The following MTMR3 variants were observed in gnomAD, a reference collection of about 807,000 sequenced individuals.
MTMR3 encodes phosphatidylinositol-3,5-bisphosphate 3-phosphatase MTMR3.
MTMR3 carries 32 observed loss-of-function variants against 132.4 expected under a neutral mutation model. The observed-to-expected ratio is 0.24, with a 90% CI of 0.18 to 0.32. The LOEUF (loss-of-function observed/expected upper bound fraction) is 0.32. Ranked by LOEUF, MTMR3 falls within the 10% of genes least tolerant of loss-of-function variation. The pLI is 1.00. For synonymous variants in MTMR3, 556 were observed against 550.3 expected (o/e 1.01, Z -0.14); for missense variants, 1,216 against 1,489.6 (o/e 0.82, Z 3.02).
chr22:29,896,036 G>A (rs1306377783), intron 1 of MTMR3, among the ~76,000 whole-genome samples: 4 of 152,112 alleles, frequency 2.6e-5, no homozygotes, highest in Non-Finnish European at 2.9e-5. Context: ...TTGGCTGGGC[G>A]TGGTAGCCCA....
At chr22:29,884,979 C>T (rs1210170963) in intron 1 of MTMR3, among the ~76,000 whole-genome samples, 3 of 152,098 alleles carry the variant, frequency 2.0e-5, no homozygotes. Flanking sequence ...CCAATTACTC[C>T]CTCATTTTCA....
At chr22:29,961,472 C>T (rs2066310185) in intron 2 of MTMR3, among the ~76,000 whole-genome samples, 1 of 152,086 alleles carries the variant, frequency 6.6e-6, no homozygotes, top group Non-Finnish European at 1.5e-5. Context: ...GGCTACCCCA[C>T]CCCACCCATT....
intron 13 of MTMR3, 125 bp from the exon 14 acceptor site, chr22:30,013,231 G>A (rs537766931): frequency 2.2e-6 from 2 of 911,432 alleles, no homozygotes; most frequent in East Asian, 5.2e-5. Flanking sequence ...TTCCACCAAA[G>A]GGCAAGGCCG....
At chr22:29,921,533 TC>T (rs34722485) in intron 1 of MTMR3, among the ~76,000 whole-genome samples, 53,571 of 152,022 alleles carry the variant, frequency 0.35, 10,421 homozygotes, top group East Asian at 0.72. Context: ...TTTCTGAAAT[TC>T]CTATTTTACT....
rs189582811 is a variant in MTMR3 at position 29,955,812 on chromosome 22, C to T, written c.-137-1224C>T. 1.1e-3 allele frequency among the ~76,000 whole-genome samples: 174 copies of T among 152,176 alleles called. 1 individual carries two copies. The highest frequency in any genetic ancestry group is 3.9e-3 in the African/African-American group (162 of 41,510). ...TGTCGCCAAGGCTGGAGCGCAGTGG[C>T]GCAATCTCAGCTCACTGCAACCTCC... On this transcript the variant is annotated intron_variant, in intron 1 of 19. Transcript: ENST00000401950.
At position 29,900,724 on chromosome 22, in the gene MTMR3, A is replaced by T. The variant is rs79222544; in HGVS notation, c.-138+17365A>T. Among the ~76,000 whole-genome samples the T allele has an allele frequency of 3.3e-3, 505 of 151,952 alleles. 3 individuals are homozygous for T. The highest frequency in any genetic ancestry group is 5.0e-3 in the African/African-American group (209 of 41,464). ...TTCTTGAGCCTGTGCTTTAAAAAAA[A>T]TTTTTTTTGAGAAAGGGTCTCACTC... On this transcript the variant is annotated intron_variant, in intron 1 of 19. Coordinates refer to ENST00000401950, the MANE Select transcript of MTMR3 (RefSeq NM_021090.4).
At chr22:29,967,253 G>A (rs1409050237) in intron 2 of MTMR3, among the ~76,000 whole-genome samples, 2 of 149,100 alleles carry the variant, frequency 1.3e-5, no homozygotes, top group African/African-American at 2.5e-5. Flanking sequence ...GCGCGCGCAT[G>A]TTTTTTAGAG....
intron 1 of MTMR3, among the ~76,000 whole-genome samples, chr22:29,885,033 C>G (rs2064643157): frequency 2.0e-5 from 3 of 152,140 alleles, no homozygotes; most frequent in Admixed American, 1.3e-4. Context: ...TGGTACAGCC[C>G]CGCTTGTCGT....
At position 30,025,441 on chromosome 22, in the gene MTMR3, T is replaced by C; in HGVS notation, c.3426-189T>C. 3 of 605,874 alleles carry C rather than the reference T, an allele frequency of 5.0e-6. No homozygotes were observed. In the South Asian group the frequency reaches 6.0e-5, roughly 12 times the overall value. The allele number at this position is 605,874 out of a possible 1,614,324, so 37.5% of individuals were successfully genotyped here. ...CCTTGGCCCCAAAGTGAAAATGACA[T>C]GTGACTCTGCTAGGTAGGGACACCC... is the stretch of plus-strand genomic sequence containing the variant. On this transcript the variant is annotated intron_variant, in intron 19 of 19. Coordinates refer to ENST00000401950, the MANE Select transcript of MTMR3 (RefSeq NM_021090.4).
intron 1 of MTMR3, among the ~76,000 whole-genome samples, chr22:29,943,439 C>G (rs1878330847): frequency 6.6e-6 from 1 of 152,178 alleles, no homozygotes; most frequent in African/African-American, 2.4e-5. Context: ...ATCCGCCCGT[C>G]TCGGCCTCCC....
At chr22:30,006,284 C>G (rs2067272420) in intron 9 of MTMR3, 1 of 152,196 alleles carries the variant, frequency 6.6e-6, no homozygotes, top group African/African-American at 2.4e-5. Flanking sequence ...GGTTGATGCT[C>G]TTCTTCTCTT....
chr22:29,954,156 G>A (rs1008313378), intron 1 of MTMR3, among the ~76,000 whole-genome samples: 2 of 141,360 alleles, frequency 1.4e-5, no homozygotes, highest in South Asian at 2.3e-4. Context: ...ATCATAGCTC[G>A]CTGCAACCTC....
chr22:29,954,693 A>G (rs1480878116), intron 1 of MTMR3, among the ~76,000 whole-genome samples: 1 of 152,240 alleles, frequency 6.6e-6, no homozygotes, highest in Non-Finnish European at 1.5e-5. Flanking sequence ...AACATGTCAG[A>G]TAGCTTTTAC....
At chr22:29,914,890 A>T (rs2065280443) in intron 1 of MTMR3, among the ~76,000 whole-genome samples, 1 of 152,118 alleles carries the variant, frequency 6.6e-6, no homozygotes, top group Non-Finnish European at 1.5e-5. Context: ...AATATTTTCT[A>T]ATTTCTCTTT....
intron 2 of MTMR3, among the ~76,000 whole-genome samples, chr22:29,968,450 T>C (rs1242115838): frequency 2.6e-5 from 4 of 152,206 alleles, no homozygotes; most frequent in African/African-American, 9.7e-5. Flanking sequence ...TGTTTCTTTT[T>C]TGAAAAGGTT....
At chr22:29,927,866 A>T (rs890549066) in intron 1 of MTMR3, among the ~76,000 whole-genome samples, 13 of 152,108 alleles carry the variant, frequency 8.5e-5, no homozygotes, top group Middle Eastern at 6.8e-3. Context: ...TTCTTTTTTT[A>T]AAATTTTTAC....
At chr22:29,998,964 T>G in intron 8 of MTMR3, 107 bp downstream of exon 8, 1 of 645,932 alleles carries the variant, frequency 1.5e-6, no homozygotes, top group Non-Finnish European at 2.5e-6. Context: ...TTTGAAATGG[T>G]TTTATTTATT....
Position 29,931,780 on chromosome 22 carries a change from C to CTTTT in MTMR3, c.-137-25242_-137-25239dup, listed in dbSNP as rs34210747. Among the ~76,000 whole-genome samples, 357 of 140,926 alleles carry CTTTT rather than the reference C, an allele frequency of 2.5e-3. 2 individuals are homozygous for CTTTT. The highest frequency in any genetic ancestry group is 7.3e-3 in the African/African-American group (277 of 37,866). 92.5% of individuals were successfully genotyped at this position (140,926 alleles called of 152,430 possible). On this transcript the variant is annotated intron_variant, in intron 1 of 19. Coordinates refer to ENST00000401950, the MANE Select transcript of MTMR3 (RefSeq NM_021090.4). Reference sequence around the variant, plus strand: ...TCCTCCTAGAAGGGGAGAGAGAATCCTTTTTTTTTTTTTTTTTAAAGCAGA... The same window carrying CTTTT: ...TCCTCCTAGAAGGGGAGAGAGAATCCTTTTTTTTTTTTTTTTTTTTTAAAGCAGA...
rs1002053282 is a variant in MTMR3, at chr22:30,022,598, C to T, written c.3337-11C>T. Reference sequence around the variant, plus strand: ...TCTCCTGTCAGTAACCTGGTCCCATCTGTTTTGCAGATGACCCGTTGGCTT... The same window carrying T: ...TCTCCTGTCAGTAACCTGGTCCCATTTGTTTTGCAGATGACCCGTTGGCTT... On this transcript the variant is annotated splice_polypyrimidine_tract_variant and intron_variant, in intron 18 of 19. Coordinates refer to ENST00000401950, the MANE Select transcript of MTMR3 (RefSeq NM_021090.4). 25 of 1,611,548 alleles carry T rather than the reference C, an allele frequency of 1.6e-5. No homozygotes were observed. The highest frequency in any genetic ancestry group is 2.0e-5 in the Non-Finnish European group (23 of 1,178,776).
Sources: gnomAD v4.1 joint callset for allele counts (sites outside exome capture counted in the v4.1 genomes callset) on GRCh38, gnomAD v4.1.1 for gene constraint, MANE v1.5 for transcripts, NCBI Gene and HGNC (gene_info 2026-07-23, HGNC 2026-07-21) for gene names.